The following PKD1L1 variants were observed in gnomAD, a reference collection of about 807,000 sequenced individuals.
The protein encoded by PKD1L1 is polycystin-1-like protein 1.
A neutral mutation model predicts 323.4 loss-of-function variants in PKD1L1; 236 were observed. That is an observed-to-expected ratio of 0.73 (90% confidence interval 0.66 to 0.81). The LOEUF is 0.81. Ranked by LOEUF, PKD1L1 falls within the 40% of genes least tolerant of loss-of-function variation. The pLI, the probability that PKD1L1 is intolerant of heterozygous loss-of-function variation, is 0.00. For missense variants in PKD1L1, 3,320 were observed against 3,508.0 expected (o/e 0.95, Z 1.35); for synonymous variants, 1,344 against 1,335.0 (o/e 1.01, Z -0.15).
At chr7:47,894,158 G>A (rs1786886881) in intron 14 of PKD1L1, 99 bp from the exon 15 acceptor site, 1 of 1,091,830 alleles carries the variant, frequency 9.2e-7, no homozygotes, top group African/African-American at 1.6e-5. Flanking sequence ...AAGCCGACGA[G>A]TCTCAACGCA....
chr7:47,886,435 A>G (rs1271980106), intron 17 of PKD1L1, among the ~76,000 whole-genome samples: 1 of 152,116 alleles, frequency 6.6e-6, no homozygotes, highest in Admixed American at 6.5e-5. Flanking sequence ...CCCGCCAGTA[A>G]GTGATATGGT....
the PKD1L1 span, among the ~76,000 whole-genome samples, chr7:47,959,111 G>A: frequency 2.0e-5 from 3 of 152,222 alleles, no homozygotes; most frequent in Non-Finnish European, 2.9e-5. Context: ...GATGGAGTCT[G>A]GTTCACTCAG....
intron 24 of PKD1L1, among the ~76,000 whole-genome samples, chr7:47,870,540 A>G (rs928035656): frequency 1.3e-5 from 2 of 152,242 alleles, no homozygotes; most frequent in African/African-American, 4.8e-5. Flanking sequence ...AGAAAGAAAC[A>G]AACTACTGAA....
At chr7:47,859,875 G>A (rs772445830) in intron 26 of PKD1L1, among the ~76,000 whole-genome samples, 2 of 151,894 alleles carry the variant, frequency 1.3e-5, no homozygotes, top group South Asian at 2.1e-4. Flanking sequence ...TGATCCACCC[G>A]CCTCGGCTTC....
At chr7:47,820,931 TG>T (rs1785126941) in intron 46 of PKD1L1, 144 bp downstream of exon 46, 1 of 573,188 alleles carries the variant, frequency 1.7e-6, no homozygotes, top group South Asian at 2.6e-5. Flanking sequence ...AGTCTGTGAA[TG>T]GAAGGGGGTT....
At position 47,884,668 on chromosome 7, in the gene PKD1L1, G is replaced by C. The variant is rs756876547; in HGVS notation, c.3206-11C>G. ...AATAGGCTTCAAAATCTATAAGAAA[G>C]GACAAAATCATAATGTTTCCTTTAA... On this transcript the variant is annotated splice_polypyrimidine_tract_variant and intron_variant, in intron 18 of 56. Transcript: ENST00000289672. The C allele has an allele frequency of 3.7e-6, 6 of 1,608,156 alleles. No homozygotes were observed. The South Asian group carries it at 6.6e-5, about 18-fold the overall frequency.
In PKD1L1 at chr7:47,786,100, G is replaced by C. The variant is rs562277066; in HGVS notation, c.8526+6527C>G. On this transcript the variant is annotated intron_variant, in intron 56 of 56. Coordinates refer to ENST00000289672, the MANE Select transcript of PKD1L1 (RefSeq NM_138295.5). ...TTTCTTCCTCAAGGATTCAAACTTA[G>C]TGTTCAGATACATTGCATCATCTGT... is the stretch of plus-strand genomic sequence containing the variant. Among the ~76,000 whole-genome samples, 7 of 152,254 alleles carry C rather than the reference G, an allele frequency of 4.6e-5. No homozygotes were observed. The East Asian group carries it at 1.4e-3, about 29-fold the overall frequency.
chr7:47,922,714 G>GCAGCCGCCCCGTCCGGC (rs61169131), intron 7 of PKD1L1, among the ~76,000 whole-genome samples: 1 of 151,386 alleles, frequency 6.6e-6, no homozygotes, highest in Non-Finnish European at 1.5e-5. Context: ...TCTCCGCCCG[G>GCAGCCGCCCCGTCCGGC]CAGCCGCCCC....
chr7:47,853,613 C>T (rs895621468), intron 30 of PKD1L1, among the ~76,000 whole-genome samples: 8 of 151,880 alleles, frequency 5.3e-5, no homozygotes, highest in African/African-American at 1.9e-4. Flanking sequence ...CGTGGTGATG[C>T]GCACTTGTAA....
intron 7 of PKD1L1, among the ~76,000 whole-genome samples, chr7:47,928,332 G>A (rs1787693604): frequency 6.6e-6 from 1 of 152,210 alleles, no homozygotes. Context: ...ACTTTGGGAG[G>A]CCCAGGCAGG....
intron 46 of PKD1L1, among the ~76,000 whole-genome samples, chr7:47,815,886 G>A (rs1785006395): frequency 6.6e-6 from 1 of 152,162 alleles, no homozygotes; most frequent in Admixed American, 6.5e-5. Flanking sequence ...CAGGCAAGTG[G>A]TGGGGTAAGC....
At chr7:47,889,897 A>T (rs1786771963) in intron 16 of PKD1L1, among the ~76,000 whole-genome samples, 2 of 152,154 alleles carry the variant, frequency 1.3e-5, no homozygotes, top group Admixed American at 1.3e-4. Context: ...ATGCTCACTT[A>T]CATAATGACC....
At chr7:47,866,918 C>A (rs1481635193) in intron 24 of PKD1L1, among the ~76,000 whole-genome samples, 2 of 152,122 alleles carry the variant, frequency 1.3e-5, no homozygotes, top group African/African-American at 2.4e-5. Context: ...ACAGAGATAC[C>A]ACCACGCTAC....
In PKD1L1 at chr7:47,885,909, G is replaced by A. The variant is rs144656414; in HGVS notation, c.2982C>T (p.Pro994=). The A allele has an allele frequency of 4.2e-4, 677 of 1,614,034 alleles. 1 individual carries two copies. Among genetic ancestry groups the A allele is most frequent in the Non-Finnish European group, 4.9e-4 (579 of 1,180,028 alleles). Residue 994 remains proline (P), a synonymous_variant, in exon 18 of 57, where the codon CCC becomes CCT. Transcript: ENST00000289672. ...AAGTGGCAGGTTGGCCAAGGGTCAC[G>A]GGTGAAGGTTCCCGTGAGAATGGTG... ...TTTPFSREPS[P]VTLGQPATSA...
the PKD1L1 span, among the ~76,000 whole-genome samples, chr7:47,955,719 C>T: frequency 2.0e-5 from 3 of 152,090 alleles, no homozygotes; most frequent in Non-Finnish European, 4.4e-5. Flanking sequence ...GTGTAAATTC[C>T]TATAAGTATT....
intron 51 of PKD1L1, chr7:47,809,245 T>A (rs761309838): frequency 2.4e-6 from 1 of 410,842 alleles, no homozygotes; most frequent in Non-Finnish European, 4.4e-6. Flanking sequence ...TAAGATCTTA[T>A]GGGACCACCA....
upstream of PKD1L1, among the ~76,000 whole-genome samples, chr7:47,949,485 C>T (rs774831501): frequency 2.0e-5 from 3 of 151,596 alleles, no homozygotes; most frequent in Non-Finnish European, 2.9e-5. Context: ...ACACACTAGG[C>T]GCACTCTGTC....
At chr7:47,875,082 C>G (rs2128745363) in intron 23 of PKD1L1, among the ~76,000 whole-genome samples, 1 of 152,290 alleles carries the variant, frequency 6.6e-6, no homozygotes, top group Middle Eastern at 3.4e-3. Flanking sequence ...AACATTTGCC[C>G]AGCCTAAGTC....
At chr7:47,829,950 A>G (rs1785310435) in intron 43 of PKD1L1, 90 bp downstream of exon 43, 10 of 1,260,666 alleles carry the variant, frequency 7.9e-6, no homozygotes, top group Non-Finnish European at 1.0e-5. Context: ...AAGAAAAGTC[A>G]TACACAACCA....
Sources: gnomAD v4.1 joint callset for allele counts (sites outside exome capture counted in the v4.1 genomes callset) on GRCh38, gnomAD v4.1.1 for gene constraint, MANE v1.5 for transcripts, NCBI Gene and HGNC (gene_info 2026-07-23, HGNC 2026-07-21) for gene names.